Variants in ATRNL1 observed in about 807,000 individuals in gnomAD.
ATRNL1 encodes the protein attractin-like protein 1.
In ATRNL1, 95 loss-of-function variants were observed where a neutral mutation model predicts 182.7. The observed-to-expected ratio is 0.52, with a 90% confidence interval of 0.44 to 0.62. ATRNL1 has a LOEUF of 0.62. Ranked by LOEUF, ATRNL1 falls within the 20% of genes least tolerant of loss-of-function variation. The pLI is 0.00. For synonymous variants in ATRNL1, 576 were observed against 568.3 expected (o/e 1.01, Z -0.19); for missense variants, 1,471 against 1,679.5 (o/e 0.88, Z 2.17).
rs375914893 is a variant in ATRNL1 at position 115,535,509 on chromosome 10, C to G, written c.3717-13949C>G. 7.3e-5 allele frequency among the ~76,000 whole-genome samples: 11 copies of G among 151,418 alleles called. No homozygotes were observed. The East Asian group carries it at 1.7e-3, about 24-fold the overall frequency. ...TTGGTTATTCTAGTTATACATTAGT[C>G]TAAATTTTTTTCAAAGTTTTCAACT... On this transcript the variant is annotated intron_variant, in intron 25 of 28. Coordinates refer to ENST00000355044, the MANE Select transcript of ATRNL1 (RefSeq NM_207303.4).
chr10:115,095,673 G>T (rs782650392), intron 1 of ATRNL1, among the ~76,000 whole-genome samples: 1 of 152,118 alleles, frequency 6.6e-6, no homozygotes, highest in Non-Finnish European at 1.5e-5. Context: ...TGAGGAAAGA[G>T]ATCTTAATGA....
rs185526831 is a variant in ATRNL1, at chr10:115,754,006, C to A, written c.3903+26651C>A. ...GAAGTGTCTGTTGATATCCTTCACC[C>A]ACTTTTTAATGGGGTTGTTTTCTTC... On this transcript the variant is annotated intron_variant, in intron 27 of 28. Transcript: ENST00000355044. Among the ~76,000 whole-genome samples the A allele has an allele frequency of 9.7e-4, 148 of 152,256 alleles. 1 individual carries two copies. In the East Asian group the frequency reaches 0.02, roughly 21 times the overall value.
At chr10:115,270,785 A>G (rs1223082073) in intron 13 of ATRNL1, among the ~76,000 whole-genome samples, 1 of 152,230 alleles carries the variant, frequency 6.6e-6, no homozygotes, top group East Asian at 1.9e-4. Context: ...CCCTACAGAC[A>G]TATCCAGAAA....
At chr10:115,694,172 GCACACACACACACA>G (rs71010040) in intron 26 of ATRNL1, among the ~76,000 whole-genome samples, 2,462 of 146,926 alleles carry the variant, frequency 0.017, 31 homozygotes, top group Non-Finnish European at 0.024. Context: ...CTACACAGAC[GCACACACACACACA>G]CACACACACA....
chr10:115,362,480 T>A (rs1177602923), intron 19 of ATRNL1, among the ~76,000 whole-genome samples: 7 of 152,008 alleles, frequency 4.6e-5, no homozygotes, highest in African/African-American at 1.7e-4. Flanking sequence ...ATGAGAACAT[T>A]TAAAATCTGC....
intron 28 of ATRNL1, among the ~76,000 whole-genome samples, chr10:115,866,940 A>T (rs1364075055): frequency 6.6e-6 from 1 of 152,204 alleles, no homozygotes; most frequent in Non-Finnish European, 1.5e-5. Context: ...GCAGCTTAAG[A>T]AGGGAACAGA....
intron 26 of ATRNL1, among the ~76,000 whole-genome samples, chr10:115,709,050 T>A (rs1425384090): frequency 6.6e-6 from 1 of 151,826 alleles, no homozygotes; most frequent in African/African-American, 2.4e-5. Context: ...GAATAATAAT[T>A]TATGCTATAT....
chr10:115,669,597 A>G (rs1174342691), intron 26 of ATRNL1, among the ~76,000 whole-genome samples: 1 of 152,244 alleles, frequency 6.6e-6, no homozygotes, highest in Admixed American at 6.5e-5. Flanking sequence ...TTTTATTGAC[A>G]TACTGCAAGT....
At chr10:115,818,869 G>A (rs2134276644) in intron 27 of ATRNL1, among the ~76,000 whole-genome samples, 1 of 152,212 alleles carries the variant, frequency 6.6e-6, no homozygotes, top group South Asian at 2.1e-4. Context: ...GGCAAGACAA[G>A]GTGAGCAAGA....
chr10:115,430,074 AAAC>A (rs1374732224), intron 21 of ATRNL1, among the ~76,000 whole-genome samples: 3 of 152,318 alleles, frequency 2.0e-5, no homozygotes, highest in Non-Finnish European at 2.9e-5. Context: ...CTGTCTCAAA[AAAC>A]AACAACAAAA....
chr10:115,388,581 A>C (rs1284127181), intron 19 of ATRNL1, among the ~76,000 whole-genome samples: 4 of 151,858 alleles, frequency 2.6e-5, no homozygotes, highest in African/African-American at 7.3e-5. Flanking sequence ...TATGAGACAA[A>C]ATAGATAAGT....
chr10:115,730,343 G>C (rs782206975), intron 27 of ATRNL1, among the ~76,000 whole-genome samples: 10 of 145,166 alleles, frequency 6.9e-5, no homozygotes, highest in Non-Finnish European at 1.2e-4. Flanking sequence ...CTACCAATAT[G>C]TTTTTCTCAC....
chr10:115,548,068 G>A (rs1487891014), intron 25 of ATRNL1, among the ~76,000 whole-genome samples: 1 of 152,152 alleles, frequency 6.6e-6, no homozygotes, highest in Non-Finnish European at 1.5e-5. Flanking sequence ...AAAGTTTGAG[G>A]CTTAAGTAGC....
intron 26 of ATRNL1, among the ~76,000 whole-genome samples, chr10:115,589,810 C>T (rs2804198): frequency 0.48 from 72,438 of 151,954 alleles, 18,724 homozygotes; most frequent in East Asian, 0.84. Flanking sequence ...TGAGTATTAA[C>T]GAAAGATTAC....
intron 28 of ATRNL1, among the ~76,000 whole-genome samples, chr10:115,944,021 C>T (rs1555124847): frequency 6.6e-6 from 1 of 151,758 alleles, no homozygotes; most frequent in African/African-American, 2.4e-5. Context: ...CAGTGGTTGC[C>T]AGAGACTTGG....
intron 19 of ATRNL1, among the ~76,000 whole-genome samples, chr10:115,376,721 A>C (rs1857692155): frequency 2.0e-5 from 3 of 152,032 alleles, no homozygotes; most frequent in African/African-American, 7.2e-5. Context: ...ATCTTACTTG[A>C]GATTTTTTTA....
chr10:115,366,328 C>T (rs1857034792), intron 19 of ATRNL1, among the ~76,000 whole-genome samples: 1 of 151,550 alleles, frequency 6.6e-6, no homozygotes. Context: ...TTGTCAGAGA[C>T]TAGGATTGCA....
chr10:115,883,412 G>T (rs1023057843), intron 28 of ATRNL1, among the ~76,000 whole-genome samples: 1 of 152,168 alleles, frequency 6.6e-6, no homozygotes, highest in African/African-American at 2.4e-5. Flanking sequence ...GTGGATATGT[G>T]TACCAAAGGA....
intron 10 of ATRNL1, among the ~76,000 whole-genome samples, chr10:115,257,071 T>G (rs1184637256): frequency 6.6e-6 from 1 of 151,824 alleles, no homozygotes; most frequent in Non-Finnish European, 1.5e-5. Flanking sequence ...AACTTTAGAA[T>G]AAGTGCGATG....
Sources: allele counts gnomAD v4.1 joint callset (sites outside exome capture counted in the v4.1 genomes callset), GRCh38; gene constraint gnomAD v4.1.1; transcripts MANE v1.5; gene names NCBI Gene and HGNC (gene_info 2026-07-23, HGNC 2026-07-21).